DTD1: variants seen among roughly 807,000 people sequenced by gnomAD.
The protein encoded by DTD1 is D-tyrosyl-tRNA deacylase 1 homolog.
A neutral mutation model predicts 25.6 loss-of-function variants in DTD1; 13 were observed. The ratio of observed to expected loss-of-function variants is 0.51; its 90% confidence interval spans 0.33 to 0.81. The LOEUF (loss-of-function observed/expected upper bound fraction) is 0.81, where lower values mean the gene tolerates loss of function less well. Ranked by LOEUF, DTD1 falls within the 30% of genes least tolerant of loss-of-function variation. DTD1 has a pLI of 0.02. For synonymous variants in DTD1, 110 were observed against 103.6 expected (o/e 1.06, Z -0.37); for missense variants, 193 against 266.4 (o/e 0.72, Z 1.92).
intron 5 of DTD1, among the ~76,000 whole-genome samples, chr20:18,747,372 C>T (rs746489576): frequency 4.6e-5 from 7 of 152,252 alleles, no homozygotes; most frequent in African/African-American, 1.7e-4. Context: ...TGGAACTGGC[C>T]CCAGCAGCCT....
At chr20:18,753,607 C>CAAAAAAAAGA (rs2061328777) in intron 5 of DTD1, among the ~76,000 whole-genome samples, 1 of 65,340 alleles carries the variant, frequency 1.5e-5, no homozygotes, top group Non-Finnish European at 2.8e-5. Flanking sequence ...AACTCTGTCT[C>CAAAAAAAAGA]AAAAAAAAAA....
intron 4 of DTD1, among the ~76,000 whole-genome samples, chr20:18,731,227 A>T (rs1183957334): frequency 6.6e-6 from 1 of 152,080 alleles, no homozygotes; most frequent in Admixed American, 6.6e-5. Flanking sequence ...CTCCTTTTAC[A>T]GTTCCTATCC....
chr20:18,632,917 C>T (rs892557233), intron 4 of DTD1, among the ~76,000 whole-genome samples: 2 of 152,000 alleles, frequency 1.3e-5, no homozygotes, highest in Non-Finnish European at 2.9e-5. Flanking sequence ...TATGTAAGCA[C>T]CAAGTGTCGT....
At chr20:18,641,452 C>T (rs2060827755) in intron 4 of DTD1, among the ~76,000 whole-genome samples, 1 of 152,136 alleles carries the variant, frequency 6.6e-6, no homozygotes, top group African/African-American at 2.4e-5. Flanking sequence ...TTTTACATTC[C>T]TACCGGCAAT....
At chr20:18,736,078 G>C (rs2122510782) in intron 4 of DTD1, among the ~76,000 whole-genome samples, 1 of 152,044 alleles carries the variant, frequency 6.6e-6, no homozygotes, top group East Asian at 1.9e-4. Context: ...TTCCTTTCAG[G>C]GATTTCCGGG....
intron 2 of DTD1, 64 bp from the exon 3 acceptor site, chr20:18,595,942 G>A: frequency 7.1e-7 from 1 of 1,403,272 alleles, no homozygotes; most frequent in Non-Finnish European, 1.0e-6. Flanking sequence ...CATTTTTGGG[G>A]TATGGAGTGT....
chr20:18,765,808 T>C lies in DTD1; in HGVS notation c.*2468T>C, dbSNP rs1346119270. 6.6e-6 allele frequency: 1 copy of C among 152,260 alleles called. No individual in the cohort carries two copies. The highest frequency in any genetic ancestry group is 2.4e-5 in the African/African-American group (1 of 41,466). 9.4% of individuals were successfully genotyped at this position (152,260 alleles called of 1,614,324 possible). A position where few individuals can be genotyped will look rare whatever the true frequency, so the allele number is the denominator to read the frequency against. On this transcript the variant is annotated 3_prime_UTR_variant, in exon 6 of 6. Transcript: ENST00000377452. ...CTCCCAACATCTCTGCCTCCTTCTT[T>C]CTGCTTATTTATAAAGCATACTGCT...
chr20:18,701,716 G>A (rs1458509726), intron 4 of DTD1, among the ~76,000 whole-genome samples: 1 of 152,242 alleles, frequency 6.6e-6, no homozygotes, highest in Non-Finnish European at 1.5e-5. Flanking sequence ...CACTGGACTT[G>A]CCCCAGTGCC....
chr20:18,719,636 G>C (rs1480821592), intron 4 of DTD1, among the ~76,000 whole-genome samples: 1 of 152,208 alleles, frequency 6.6e-6, no homozygotes, highest in Non-Finnish European at 1.5e-5. Context: ...GACTGCGAGG[G>C]GTGAGTCAAG....
Position 18,593,086 on chromosome 20 carries a change from CT to C in DTD1, c.44-635del, listed in dbSNP as rs35740726. Among the ~76,000 whole-genome samples the C allele has an allele frequency of 6.2e-3, 901 of 145,594 alleles. 1 individual carries two copies. The highest frequency in any genetic ancestry group is 0.032 in the Middle Eastern group (9 of 282). ...AATGTTAGGAGTGTGTGCTTAGAGC[CT>C]TTTTTTTTTCAAATGGACAAGATGC... is the stretch of plus-strand genomic sequence containing the variant. On this transcript the variant is annotated intron_variant, in intron 1 of 5. Transcript: ENST00000377452.
At chr20:18,720,600 A>G (rs2061198514) in intron 4 of DTD1, among the ~76,000 whole-genome samples, 2 of 152,220 alleles carry the variant, frequency 1.3e-5, no homozygotes, top group Admixed American at 6.5e-5. Context: ...CAAACCTGTA[A>G]TACTAGCACT....
chr20:18,617,317 A>T (rs1208015212), intron 3 of DTD1, among the ~76,000 whole-genome samples: 1 of 148,646 alleles, frequency 6.7e-6, no homozygotes, highest in Non-Finnish European at 1.5e-5. Flanking sequence ...TCAGAAAAAA[A>T]TTATATATAA....
intron 4 of DTD1, among the ~76,000 whole-genome samples, chr20:18,647,597 T>G (rs570441478): frequency 6.6e-6 from 1 of 151,686 alleles, no homozygotes; most frequent in East Asian, 1.9e-4. Context: ...TTGAACCTCC[T>G]GGGGAATGAA....
At chr20:18,663,989 C>T (rs1302934276) in intron 4 of DTD1, among the ~76,000 whole-genome samples, 1 of 152,178 alleles carries the variant, frequency 6.6e-6, no homozygotes, top group East Asian at 1.9e-4. Flanking sequence ...CGGGTGGGGA[C>T]ACAAAGCCAA....
chr20:18,731,112 G>A (rs1026637286), intron 4 of DTD1, among the ~76,000 whole-genome samples: 8 of 152,162 alleles, frequency 5.3e-5, no homozygotes, highest in Admixed American at 2.0e-4. Flanking sequence ...CCTGAGGGTC[G>A]ATCCTTCCCT....
intron 4 of DTD1, among the ~76,000 whole-genome samples, chr20:18,645,710 C>G (rs1216593782): frequency 6.6e-6 from 1 of 152,030 alleles, no homozygotes; most frequent in Non-Finnish European, 1.5e-5. Flanking sequence ...GTTTTGGTAC[C>G]TGGGTTATGG....
chr20:18,761,787 G>A (rs1340151207), intron 5 of DTD1, among the ~76,000 whole-genome samples: 2 of 152,220 alleles, frequency 1.3e-5, no homozygotes, highest in Non-Finnish European at 2.9e-5. Flanking sequence ...ATTGAAGGTA[G>A]GGAAACAAGT....
chr20:18,640,755 C>T (rs1373397154), intron 4 of DTD1, among the ~76,000 whole-genome samples: 4 of 151,794 alleles, frequency 2.6e-5, no homozygotes, highest in African/African-American at 7.3e-5. Context: ...CTCAGCCTCC[C>T]GAGTAGCTGG....
intron 4 of DTD1, among the ~76,000 whole-genome samples, chr20:18,713,565 A>G (rs565005093): frequency 6.6e-6 from 1 of 152,270 alleles, no homozygotes; most frequent in South Asian, 2.1e-4. Context: ...ACAGAAAAGG[A>G]TTTGGAGGAT....
Sources: allele counts gnomAD v4.1 joint callset (sites outside exome capture counted in the v4.1 genomes callset), GRCh38; gene constraint gnomAD v4.1.1; transcripts MANE v1.5; gene names NCBI Gene and HGNC (gene_info 2026-07-23, HGNC 2026-07-21).